GDAP1L1: variants seen among roughly 807,000 people sequenced by gnomAD.
The protein encoded by GDAP1L1 is ganglioside-induced differentiation-associated protein 1-like 1.
GDAP1L1 carries 21 observed loss-of-function variants against 37.1 expected under a neutral mutation model. The ratio of observed to expected loss-of-function variants is 0.57; its 90% confidence interval spans 0.40 to 0.81. GDAP1L1 has a LOEUF of 0.81. Among genes scored for constraint, GDAP1L1 ranks in the 40% least tolerant of loss-of-function variants. The pLI, the probability that GDAP1L1 is intolerant of heterozygous loss-of-function variation, is 0.00. For synonymous variants in GDAP1L1, 193 were observed against 209.1 expected (o/e 0.92, Z 0.67); for missense variants, 362 against 491.6 (o/e 0.74, Z 2.49).
At position 44,264,521 on chromosome 20, in the gene GDAP1L1, T is replaced by C. The variant is rs779759963; in HGVS notation, c.722T>C (p.Ile241Thr). The C allele has an allele frequency of 1.3e-5, 21 of 1,603,382 alleles. No individual in the cohort carries two copies. The Admixed American group carries it at 1.9e-4, about 14-fold the overall frequency. Residue 241 changes from isoleucine to threonine, a missense_variant, in exon 5 of 6, where the codon ATT becomes ACT. Coordinates refer to ENST00000342560, the MANE Select transcript of GDAP1L1 (RefSeq NM_024034.6). The part of the protein sequence containing the change: ...LGELAMVLDQ[I>T]EAELEKRKLE... Reference sequence around the variant, plus strand: ...GAACTGGCCATGGTGCTGGACCAGATTGAGGCGGAGCTGGAGAAGAGGAAG... The same window carrying C: ...GAACTGGCCATGGTGCTGGACCAGACTGAGGCGGAGCTGGAGAAGAGGAAG...
At chr20:44,278,412 ACT>A (rs2062607295) in intron 5 of GDAP1L1, among the ~76,000 whole-genome samples, 1 of 151,914 alleles carries the variant, frequency 6.6e-6, no homozygotes, top group Non-Finnish European at 1.5e-5. Context: ...ACAGAGTCTC[ACT>A]CTGTCACCTA....
intron 5 of GDAP1L1, among the ~76,000 whole-genome samples, chr20:44,277,537 C>G (rs1402153605): frequency 1.3e-5 from 2 of 152,142 alleles, no homozygotes; most frequent in Admixed American, 1.3e-4. Flanking sequence ...CAGGGCCTTA[C>G]AGGGCTTGGG....
chr20:44,247,173 G>A (rs982385220), upstream of GDAP1L1: 8 of 702,656 alleles, frequency 1.1e-5, no homozygotes, highest in Admixed American at 5.5e-5. Context: ...GAGCTCCCGG[G>A]ATCCCCTCGC....
chr20:44,272,564 T>G (rs1411177049), intron 5 of GDAP1L1, among the ~76,000 whole-genome samples: 2 of 152,176 alleles, frequency 1.3e-5, no homozygotes, highest in African/African-American at 4.8e-5. Flanking sequence ...GGCCTCATTG[T>G]GAGATCGCCT....
chr20:44,273,687 A>C (rs1366842377), intron 5 of GDAP1L1, among the ~76,000 whole-genome samples: 3 of 152,120 alleles, frequency 2.0e-5, no homozygotes, highest in Non-Finnish European at 2.9e-5. Flanking sequence ...CTTTGTATTC[A>C]TGACTGCAAG....
In GDAP1L1 at chr20:44,279,078, C is replaced by G; in HGVS notation, c.882C>G (p.Ser294Arg). Reference protein sequence around the residue: ...GLSKKYWEDGSRPNLQSFFER... With the variant: ...GLSKKYWEDGRRPNLQSFFER... ...CCAAGAAATACTGGGAAGATGGCAG[C>G]CGGCCCAACCTGCAGTCCTTCTTTG... The change falls in exon 6 of 6, where the codon AGC (serine) becomes AGG (arginine). Residue 294 changes from serine to arginine, a missense_variant. Coordinates refer to ENST00000342560, the MANE Select transcript of GDAP1L1 (RefSeq NM_024034.6). 1 of 1,614,134 alleles carries G rather than the reference C, an allele frequency of 6.2e-7. No individual in the cohort carries two copies. Among genetic ancestry groups the G allele is most frequent in the Non-Finnish European group, 8.5e-7 (1 of 1,179,960 alleles).
Position 44,264,470 on chromosome 20 carries a change from T to C in GDAP1L1, c.671T>C (p.Val224Ala), listed in dbSNP as rs768096285. ...GCCAAGATCTTGGAGCATGATGATG[T>C]GAGCTACCTGAAGAAGATCCTCGGG... ...LMAKILEHDD[V>A]SYLKKILGEL... Residue 224 changes from valine (V) to alanine (A), a missense_variant, in exon 5 of 6, where the codon GTG becomes GCG. Physicochemically the swap from Val to Ala is moderately conservative, Grantham distance 64 (BLOSUM62 0). Coordinates refer to ENST00000342560, the MANE Select transcript of GDAP1L1 (RefSeq NM_024034.6). 16 of 1,520,430 alleles carry C rather than the reference T, an allele frequency of 1.1e-5. No homozygotes were observed. The African/African-American group carries it at 2.1e-4, about 20-fold the overall frequency. 94.2% of individuals were successfully genotyped at this position (1,520,430 alleles called of 1,614,324 possible). A position where few individuals can be genotyped will look rare whatever the true frequency, so the allele number is the denominator to read the frequency against.
chr20:44,271,138 C>A (rs1049368647), intron 5 of GDAP1L1, among the ~76,000 whole-genome samples: 3 of 152,174 alleles, frequency 2.0e-5, no homozygotes, highest in Admixed American at 2.0e-4. Flanking sequence ...GTAGTACATG[C>A]CTGTAGACCC....
rs755560832 is a variant in GDAP1L1 at position 44,279,558 on chromosome 20, C to T, written c.*258C>T. ...GAGAAAAAACAAAAAACAGAAAACA[C>T]GAATGCCTTTTCTATCGATTCAAGG... On this transcript the variant is annotated 3_prime_UTR_variant, in exon 6 of 6. Transcript: ENST00000342560. 1.1e-5 allele frequency: 7 copies of T among 631,360 alleles called. 1 individual carries two copies. Among genetic ancestry groups the T allele is most frequent in the South Asian group, 9.1e-5 (6 of 65,976 alleles). The allele number at this position is 631,360 out of a possible 1,614,324, so 39.1% of individuals were successfully genotyped here. A position where few individuals can be genotyped will look rare whatever the true frequency, so the allele number is the denominator to read the frequency against.
At chr20:44,277,116 C>T (rs1395792612) in intron 5 of GDAP1L1, among the ~76,000 whole-genome samples, 1 of 152,118 alleles carries the variant, frequency 6.6e-6, no homozygotes, top group Non-Finnish European at 1.5e-5. Context: ...CTTCCGCCTC[C>T]CGGGTTCAAG....
At chr20:44,269,875 G>A (rs2062494719) in intron 5 of GDAP1L1, among the ~76,000 whole-genome samples, 1 of 152,182 alleles carries the variant, frequency 6.6e-6, no homozygotes, top group African/African-American at 2.4e-5. Context: ...AGGTTGCAGT[G>A]AGCCAAGATT....
At chr20:44,263,360 C>A in intron 4 of GDAP1L1, 33 bp downstream of exon 4, 1 of 1,370,142 alleles carries the variant, frequency 7.3e-7, no homozygotes, top group African/African-American at 1.4e-5. Flanking sequence ...AGTCCCCTTC[C>A]CTACGAGCTC....
At chr20:44,247,654 A>G (rs2073357716) in intron 1 of GDAP1L1, 140 bp downstream of exon 1, 1 of 772,948 alleles carries the variant, frequency 1.3e-6, no homozygotes, top group Non-Finnish European at 2.0e-6. Context: ...CGGGGGACGC[A>G]AGGGTTCCTT....
chr20:44,259,384 C>A (rs190105891), intron 3 of GDAP1L1, among the ~76,000 whole-genome samples: 81 of 152,298 alleles, frequency 5.3e-4, no homozygotes, highest in Middle Eastern at 3.4e-3. Context: ...GTCATGTCGT[C>A]CCCCTCAAAG....
chr20:44,268,293 A>C (rs891557713), intron 5 of GDAP1L1, among the ~76,000 whole-genome samples: 1 of 152,246 alleles, frequency 6.6e-6, no homozygotes, highest in African/African-American at 2.4e-5. Flanking sequence ...AATAGAATCA[A>C]ACTCATAGCA....
At chr20:44,265,254 C>T in intron 5 of GDAP1L1, 1 of 985,404 alleles carries the variant, frequency 1.0e-6, no homozygotes, top group Non-Finnish European at 1.2e-6. Context: ...CAGCTTCATT[C>T]TACCTCCATG....
At chr20:44,278,923 C>G in intron 5 of GDAP1L1, 34 bp from the exon 6 acceptor site, 2 of 1,415,808 alleles carry the variant, frequency 1.4e-6, no homozygotes, top group Non-Finnish European at 9.9e-7. Context: ...TTAGGGGAGG[C>G]TGATCCCCTT....
chr20:44,248,205 G>C (rs2073369619), intron 1 of GDAP1L1, among the ~76,000 whole-genome samples: 1 of 152,262 alleles, frequency 6.6e-6, no homozygotes, highest in South Asian at 2.1e-4. Flanking sequence ...GGGGACCTGA[G>C]GGGCAGTTGG....
Position 44,279,016 on chromosome 20 carries a change from G to T in GDAP1L1, c.820G>T (p.Gly274Ter). ...CAFTLADVLLGATLHRLKFLG... is the reference protein window; with the variant it reads ...CAFTLADVLL Reference sequence around the variant, plus strand: ...CTTCACCCTCGCTGATGTCCTCCTGGGAGCCACCCTGCACCGCCTCAAGTT... The same window carrying T: ...CTTCACCCTCGCTGATGTCCTCCTGTGAGCCACCCTGCACCGCCTCAAGTT... Residue 274 changes from glycine to a stop codon, truncating the protein, a stop_gained, in exon 6 of 6, where the codon GGA becomes TGA. Transcript: ENST00000342560. LOFTEE classifies it high-confidence loss of function. The T allele has an allele frequency of 6.2e-7, 1 of 1,614,102 alleles. No homozygotes were observed. Among genetic ancestry groups the T allele is most frequent in the Non-Finnish European group, 8.5e-7 (1 of 1,179,998 alleles).
Sources: gnomAD v4.1 joint callset for allele counts (sites outside exome capture counted in the v4.1 genomes callset) on GRCh38, gnomAD v4.1.1 for gene constraint, MANE v1.5 for transcripts, NCBI Gene and HGNC (gene_info 2026-07-23, HGNC 2026-07-21) for gene names.